The following RPH3A variants were observed in gnomAD, a reference collection of about 807,000 sequenced individuals.
The protein encoded by RPH3A is rabphilin-3A.
In RPH3A, 48 loss-of-function variants were observed where a neutral mutation model predicts 102.2. The observed-to-expected ratio is 0.47, with a 90% CI of 0.37 to 0.60. The LOEUF is 0.60. Among genes scored for constraint, RPH3A ranks in the 20% least tolerant of loss-of-function variants. The pLI is 0.00. For missense variants in RPH3A, 781 were observed against 910.1 expected, an observed-to-expected ratio of 0.86 and a Z score of 1.83; for synonymous variants, 310 against 324.3, an observed-to-expected ratio of 0.96 and a Z score of 0.47.
intron 14 of RPH3A, among the ~76,000 whole-genome samples, chr12:112,880,873 G>A (rs961523819): frequency 6.6e-6 from 1 of 152,114 alleles, no homozygotes; most frequent in Admixed American, 6.5e-5. Context: ...AAATCATAAG[G>A]AAGATAATAT....
chr12:112,605,346 T>C (rs2039587469), intron 1 of RPH3A, among the ~76,000 whole-genome samples: 1 of 152,014 alleles, frequency 6.6e-6, no homozygotes, highest in Admixed American at 6.6e-5. Flanking sequence ...CTGCATTCCA[T>C]CCTGGTTGGC....
chr12:112,793,892 G>A (rs1219938836), intron 2 of RPH3A, among the ~76,000 whole-genome samples: 1 of 152,126 alleles, frequency 6.6e-6, no homozygotes, highest in Non-Finnish European at 1.5e-5. Context: ...TATCAAGAGA[G>A]CCACGAGGCC....
chr12:112,636,140 A>G (rs2039847259), intron 1 of RPH3A, among the ~76,000 whole-genome samples: 1 of 152,180 alleles, frequency 6.6e-6, no homozygotes, highest in Admixed American at 6.5e-5. Flanking sequence ...GTTGCTTAGC[A>G]CTTGAAACAT....
intron 4 of RPH3A, chr12:112,837,718 A>AGAT (rs2042076296): frequency 4.4e-6 from 2 of 455,854 alleles, no homozygotes; most frequent in Non-Finnish European, 8.8e-6. Context: ...AGTCATTGTC[A>AGAT]GATGACAAAT....
intron 1 of RPH3A, among the ~76,000 whole-genome samples, chr12:112,673,065 A>T (rs2136010686): frequency 6.6e-6 from 1 of 152,124 alleles, no homozygotes; most frequent in South Asian, 2.1e-4. Context: ...ACAGCTCATT[A>T]TGTCCACCAT....
chr12:112,889,919 A>ATG, intron 17 of RPH3A, 105 bp from the exon 18 acceptor site: 1 of 1,029,800 alleles, frequency 9.7e-7, no homozygotes, highest in South Asian at 1.4e-5. Context: ...ACCCACTTTC[A>ATG]TGGCTCTGGA....
chr12:112,778,259 A>G (rs1183936372), intron 1 of RPH3A, among the ~76,000 whole-genome samples: 1 of 152,246 alleles, frequency 6.6e-6, no homozygotes, highest in African/African-American at 2.4e-5. Context: ...TGGAAATCCT[A>G]ATTATGGAGA....
chr12:112,800,327 GAC>G (rs369376780), intron 2 of RPH3A, among the ~76,000 whole-genome samples: 2 of 152,176 alleles, frequency 1.3e-5, no homozygotes, highest in African/African-American at 4.8e-5. Context: ...CAAAAGCAGA[GAC>G]AACTGTGGTG....
chr12:112,757,549 T>C (rs1376633877), intron 1 of RPH3A, among the ~76,000 whole-genome samples: 1 of 152,220 alleles, frequency 6.6e-6, no homozygotes, highest in African/African-American at 2.4e-5. Context: ...ACACGTTGTA[T>C]ACATGTATTG....
intron 1 of RPH3A, among the ~76,000 whole-genome samples, chr12:112,717,054 G>A (rs1051456004): frequency 6.6e-6 from 1 of 152,052 alleles, no homozygotes; most frequent in Non-Finnish European, 1.5e-5. Context: ...TTCTTATAAC[G>A]GCCTATAACA....
chr12:112,654,648 C>T (rs529662909), intron 1 of RPH3A, among the ~76,000 whole-genome samples: 1 of 152,278 alleles, frequency 6.6e-6, no homozygotes, highest in Non-Finnish European at 1.5e-5. Flanking sequence ...GGTGACATCA[C>T]CCCAAGCCTC....
chr12:112,896,835 CT>C lies in RPH3A; in HGVS notation c.*56del. Reference sequence around the variant, plus strand: ...CCGGGTCCCCCCCAGCCTGCTCTAGCTGCCCACCGCACCCTGATCTCTCTTC... The same window carrying C: ...CCGGGTCCCCCCCAGCCTGCTCTAGCGCCCACCGCACCCTGATCTCTCTTC... On this transcript the variant is annotated 3_prime_UTR_variant, in exon 22 of 22. Transcript: ENST00000389385. 6.2e-7 allele frequency: 1 copy of C among 1,600,210 alleles called. No homozygotes were observed.
At position 112,641,807 on chromosome 12, in the gene RPH3A, T is replaced by A. The variant is rs143266748; in HGVS notation, c.-140+66488T>A. Among the ~76,000 whole-genome samples, 396 of 152,314 alleles carry A rather than the reference T, an allele frequency of 2.6e-3. 2 individuals carry two copies. The highest frequency in any genetic ancestry group is 9.0e-3 in the African/African-American group (375 of 41,558). On this transcript the variant is annotated intron_variant, in intron 1 of 21. Transcript: ENST00000543106. ...TCTATAGATTGAGATGTGGTAGAAGTGTAGCTTCTTTCCTTCCTTCATTCA... is the reference window on the plus strand; with the variant it reads ...TCTATAGATTGAGATGTGGTAGAAGAGTAGCTTCTTTCCTTCCTTCATTCA...
At chr12:112,629,533 A>G (rs760470395) in intron 1 of RPH3A, among the ~76,000 whole-genome samples, 40 of 146,452 alleles carry the variant, frequency 2.7e-4, no homozygotes, top group Non-Finnish European at 5.5e-4. Flanking sequence ...CGGTGGCACA[A>G]TCACAGGATT....
At chr12:112,816,252 T>C (rs567928735) in intron 2 of RPH3A, among the ~76,000 whole-genome samples, 2 of 152,320 alleles carry the variant, frequency 1.3e-5, no homozygotes, top group African/African-American at 4.8e-5. Context: ...TAAAAGTGGG[T>C]CATGTAAGAT....
At chr12:112,803,172 C>A (rs550408265) in intron 2 of RPH3A, among the ~76,000 whole-genome samples, 1 of 152,320 alleles carries the variant, frequency 6.6e-6, no homozygotes, top group Admixed American at 6.5e-5. Flanking sequence ...CAGGTCTCCA[C>A]AGCAGGGTGG....
intron 1 of RPH3A, among the ~76,000 whole-genome samples, chr12:112,705,832 C>T (rs1418772641): frequency 1.3e-5 from 2 of 152,086 alleles, no homozygotes; most frequent in South Asian, 2.1e-4. Context: ...AGTGTATCAA[C>T]AGCATGTTAA....
intron 1 of RPH3A, among the ~76,000 whole-genome samples, chr12:112,662,191 C>T (rs758932137): frequency 9.2e-5 from 14 of 152,158 alleles, no homozygotes; most frequent in South Asian, 2.1e-4. Flanking sequence ...GTGCTTACTG[C>T]GTGAGTGACT....
intron 5 of RPH3A, among the ~76,000 whole-genome samples, chr12:112,850,113 T>C (rs113549754): frequency 0.028 from 4,207 of 152,218 alleles, 224 homozygotes; most frequent in African/African-American, 0.096. Flanking sequence ...GTCAGGGAGA[T>C]CTGGGTCCAA....
Sources: allele counts gnomAD v4.1 joint callset (sites outside exome capture counted in the v4.1 genomes callset), GRCh38; gene constraint gnomAD v4.1.1; transcripts MANE v1.5; gene names NCBI Gene and HGNC (gene_info 2026-07-23, HGNC 2026-07-21).